Variants in CFDP1 observed in about 807,000 individuals in gnomAD.
CFDP1 encodes the protein heterochromatin-stabilizing protein CFDP1.
CFDP1 carries 31 observed loss-of-function variants against 40.1 expected under a neutral mutation model. That is an observed-to-expected ratio of 0.77 (90% CI 0.58 to 1.04). CFDP1 has a LOEUF of 1.04. CFDP1 is among the 50% of genes least tolerant of loss of function. The probability of loss-of-function intolerance (pLI) is 0.00; values close to 1 mark genes in which losing one functional copy is unlikely to be tolerated. For missense variants in CFDP1, 423 were observed against 343.4 expected, an observed-to-expected ratio of 1.23 and a Z score of -1.83; for synonymous variants, 167 against 120.0, an observed-to-expected ratio of 1.39 and a Z score of -2.56.
At chr16:75,321,532 A>G (rs924231043) in intron 5 of CFDP1, among the ~76,000 whole-genome samples, 9 of 152,068 alleles carry the variant, frequency 5.9e-5, no homozygotes, top group Admixed American at 5.9e-4. Flanking sequence ...AGCTTGTCCA[A>G]CCTGCCTTAT....
At chr16:75,319,139 G>T (rs2078345396) in intron 5 of CFDP1, among the ~76,000 whole-genome samples, 1 of 152,178 alleles carries the variant, frequency 6.6e-6, no homozygotes, top group African/African-American at 2.4e-5. Context: ...TGCCTCCCGG[G>T]TTCAAGTGAT....
At chr16:75,297,146 T>TGTGTGTGTGTA (rs1491503380) in intron 6 of CFDP1, among the ~76,000 whole-genome samples, 1 of 132,988 alleles carries the variant, frequency 7.5e-6, no homozygotes, top group Non-Finnish European at 1.6e-5. Context: ...TTCCCATTTC[T>TGTGTGTGTGTA]TGTGTGTGTG....
intron 4 of CFDP1, among the ~76,000 whole-genome samples, chr16:75,407,760 G>A (rs1037469323): frequency 1.4e-4 from 21 of 151,868 alleles, no homozygotes; most frequent in Middle Eastern, 6.8e-3. Context: ...ATAACTTGAC[G>A]GGATAAATCA....
chr16:75,415,676 C>T (rs961091825), intron 1 of CFDP1, among the ~76,000 whole-genome samples: 2 of 152,188 alleles, frequency 1.3e-5, no homozygotes, highest in Admixed American at 1.3e-4. Context: ...GAGAGTCACC[C>T]ACATTGTTGC....
chr16:75,423,365 CTT>C (rs746396356), intron 1 of CFDP1, among the ~76,000 whole-genome samples: 1 of 151,570 alleles, frequency 6.6e-6, no homozygotes, highest in Non-Finnish European at 1.5e-5. Flanking sequence ...GGGAGGATCA[CTT>C]GAGCCCAGGA....
At chr16:75,387,885 G>T (rs943380377) in intron 5 of CFDP1, among the ~76,000 whole-genome samples, 3 of 151,734 alleles carry the variant, frequency 2.0e-5, no homozygotes, top group African/African-American at 7.2e-5. Context: ...TATAGAAAAT[G>T]GTTATATTAA....
chr16:75,420,457 T>A (rs1222601627), intron 1 of CFDP1, among the ~76,000 whole-genome samples: 1 of 152,124 alleles, frequency 6.6e-6, no homozygotes, highest in East Asian at 1.9e-4. Context: ...ACCAGACAAA[T>A]CCAAGAGGTG....
At chr16:75,389,662 C>A (rs555889443) in intron 5 of CFDP1, among the ~76,000 whole-genome samples, 165 of 108,380 alleles carry the variant, frequency 1.5e-3, no homozygotes, top group African/African-American at 4.4e-3. Flanking sequence ...TGAAGCAGCT[C>A]CCAAAATGAA....
chr16:75,384,774 A>G (rs1326938167), intron 5 of CFDP1, among the ~76,000 whole-genome samples: 1 of 151,220 alleles, frequency 6.6e-6, no homozygotes, highest in Non-Finnish European at 1.5e-5. Context: ...AAAAAAATAC[A>G]GATGTTTATA....
chr16:75,416,994 G>A (rs1280970661), intron 1 of CFDP1, among the ~76,000 whole-genome samples: 2 of 152,018 alleles, frequency 1.3e-5, no homozygotes, highest in African/African-American at 4.8e-5. Flanking sequence ...AACCTAGTGA[G>A]ACCCCATATC....
In CFDP1 at chr16:75,313,626, C is replaced by A. The variant is rs577330207; in HGVS notation, c.651-8444G>T. Among the ~76,000 whole-genome samples, 7 of 152,360 alleles carry A rather than the reference C, an allele frequency of 4.6e-5. No homozygotes were observed. In the South Asian group the frequency reaches 1.5e-3, roughly 32 times the overall value. On this transcript the variant is annotated intron_variant, in intron 5 of 6. Transcript: ENST00000283882. ...GATTATAGGCATGAGCCTCCCTCCA[C>A]GCCTGGCCAGCATGTGAGTTTTAAG...
Position 75,320,520 on chromosome 16 carries a change from A to G in CFDP1, c.651-15338T>C, listed in dbSNP as rs1386935343. 3.3e-5 allele frequency among the ~76,000 whole-genome samples: 5 copies of G among 152,204 alleles called. No homozygotes were observed. In the East Asian group the frequency reaches 7.7e-4, roughly 24 times the overall value. ...TCCATTCTTTGATTTTTCCCTGTGT[A>G]TTAGCCATTTGCTTTGGGAAACTTG... is the stretch of plus-strand genomic sequence containing the variant. On this transcript the variant is annotated intron_variant, in intron 5 of 6. Coordinates refer to ENST00000283882, the MANE Select transcript of CFDP1 (RefSeq NM_006324.3).
chr16:75,333,502 A>C (rs1305944234), intron 5 of CFDP1, among the ~76,000 whole-genome samples: 1 of 152,222 alleles, frequency 6.6e-6, no homozygotes, highest in Non-Finnish European at 1.5e-5. Flanking sequence ...AAAAAGGAAA[A>C]AAGTAGTAAT....
intron 5 of CFDP1, among the ~76,000 whole-genome samples, chr16:75,353,778 T>C (rs1413842824): frequency 1.6e-5 from 2 of 122,004 alleles, no homozygotes; most frequent in Admixed American, 8.9e-5. Context: ...AAAAAAAAAG[T>C]CATTAATGGT....
intron 5 of CFDP1, among the ~76,000 whole-genome samples, chr16:75,348,796 C>A (rs1003396973): frequency 6.6e-6 from 1 of 152,172 alleles, no homozygotes; most frequent in Non-Finnish European, 1.5e-5. Flanking sequence ...TTTCAGCATA[C>A]AATTGTGCAC....
intron 2 of CFDP1, 121 bp from the exon 3 acceptor site, chr16:75,412,875 T>C: frequency 2.8e-6 from 2 of 717,558 alleles, no homozygotes; most frequent in Non-Finnish European, 4.7e-6. Flanking sequence ...GGACTACTGG[T>C]TAATATACTG....
intron 1 of CFDP1, among the ~76,000 whole-genome samples, chr16:75,417,193 C>T (rs1452285458): frequency 6.6e-6 from 1 of 152,028 alleles, no homozygotes; most frequent in Non-Finnish European, 1.5e-5. Context: ...AAACAAATAC[C>T]ACCCCAAAAT....
At chr16:75,407,651 T>C (rs1450359728) in intron 4 of CFDP1, among the ~76,000 whole-genome samples, 3 of 73,242 alleles carry the variant, frequency 4.1e-5, no homozygotes, top group Non-Finnish European at 5.4e-5. Flanking sequence ...CAAGACCCTG[T>C]CTCAAAAAAA....
At chr16:75,419,362 T>C (rs967955526) in intron 1 of CFDP1, among the ~76,000 whole-genome samples, 6 of 152,174 alleles carry the variant, frequency 3.9e-5, no homozygotes, top group Non-Finnish European at 8.8e-5. Flanking sequence ...AATATTTATA[T>C]TGTTCCAATT....
Sources: gnomAD v4.1 joint callset for allele counts (sites outside exome capture counted in the v4.1 genomes callset) on GRCh38, gnomAD v4.1.1 for gene constraint, MANE v1.5 for transcripts, NCBI Gene and HGNC (gene_info 2026-07-23, HGNC 2026-07-21) for gene names.